The following CUX1 variants were observed in gnomAD, a reference collection of about 807,000 sequenced individuals.
CUX1 encodes the protein protein CASP.
A neutral mutation model predicts 158.8 loss-of-function variants in CUX1; 31 were observed. The observed-to-expected ratio is 0.20, with a 90% CI of 0.15 to 0.26. The LOEUF is 0.26. Among genes scored for constraint, CUX1 ranks in the 10% least tolerant of loss-of-function variants. The pLI, the probability that CUX1 is intolerant of heterozygous loss-of-function variation, is 1.00. For synonymous variants in CUX1, 879 were observed against 862.1 expected, an observed-to-expected ratio of 1.02 and a Z score of -0.34; for missense variants, 1,589 against 2,014.6, an observed-to-expected ratio of 0.79 and a Z score of 4.04.
Position 101,916,316 on chromosome 7 carries a change from C to T in CUX1, c.141+91C>T, listed in dbSNP as rs1804202450. On this transcript the variant is annotated intron_variant, in intron 2 of 23. Coordinates refer to ENST00000292535, the MANE Select transcript of CUX1 (RefSeq NM_181552.4). This position sits in a 1 kb window ranked among gnomAD's most constrained non-coding sequence, Gnocchi z 4.4. ...CGCTCCGTGAGCGTTTCATTTTCAT[C>T]AGATGAACGCACGGCCGGCAAACAA... The T allele has an allele frequency of 3.7e-6, 3 of 819,584 alleles. No individual in the cohort carries two copies. Among genetic ancestry groups the T allele is most frequent in the Non-Finnish European group, 6.3e-6 (3 of 473,032 alleles). The allele number at this position is 819,584 out of a possible 1,614,324, so 50.8% of individuals were successfully genotyped here. A position where few individuals can be genotyped will look rare whatever the true frequency, so the allele number is the denominator to read the frequency against.
intron 8 of CUX1, among the ~76,000 whole-genome samples, chr7:102,131,517 A>AT (rs1340844471): frequency 6.6e-5 from 10 of 151,780 alleles, no homozygotes; most frequent in African/African-American, 1.9e-4. Flanking sequence ...AAGTTTGAAC[A>AT]TAAAAACTGC....
At chr7:102,125,763 ATAAT>A (rs1281788136) in intron 8 of CUX1, 1 of 151,634 alleles carries the variant, frequency 6.6e-6, no homozygotes, top group African/African-American at 2.4e-5. Context: ...ATATACATAA[ATAAT>A]TTTTTAAAAA....
At position 102,248,649 on chromosome 7, in the gene CUX1, G is replaced by A; in HGVS notation, c.4125G>A (p.Pro1375=). 2.9e-6 allele frequency: 4 copies of A among 1,371,114 alleles called. No individual in the cohort carries two copies. Among genetic ancestry groups the A allele is most frequent in the South Asian group, 1.5e-5 (1 of 67,792 alleles). The allele number at this position is 1,371,114 out of a possible 1,614,324, so 84.9% of individuals were successfully genotyped here. ...CGCGGCCGGCGGAGCAGACGGAGCC[G>A]CCGCCCTCGGGGACCCCGGGCCCGG... ...EVPRPAEQTE[P]PPSGTPGPDD... Residue 1375 remains proline, a synonymous_variant, in exon 24 of 24, where the codon CCG becomes CCA. Coordinates refer to ENST00000292535, the MANE Select transcript of CUX1 (RefSeq NM_181552.4). This position sits in a 1 kb window ranked among gnomAD's most constrained non-coding sequence, Gnocchi z 5.8.
intron 1 of CUX1, among the ~76,000 whole-genome samples, chr7:101,851,020 G>A (rs1562927668): frequency 6.6e-6 from 1 of 152,120 alleles, no homozygotes; most frequent in Non-Finnish European, 1.5e-5. Flanking sequence ...GGGGTGGGAG[G>A]ATTGCTTAAG....
Position 102,253,298 on chromosome 7 carries a change from G to T in CUX1, c.*4256G>T. ...ATACCCCATCTCCCTCCTTGGCCAG[G>T]GCCAGCATCAGGCGTGCAGCTCATG... On this transcript the variant is annotated 3_prime_UTR_variant, in exon 24 of 24. Coordinates refer to ENST00000292535, the MANE Select transcript of CUX1 (RefSeq NM_181552.4). The T allele has an allele frequency of 1.0e-6, 1 of 985,590 alleles. No individual in the cohort carries two copies. The highest frequency in any genetic ancestry group is 1.2e-6 in the Non-Finnish European group (1 of 830,054). 61.1% of individuals were successfully genotyped at this position (985,590 alleles called of 1,614,324 possible).
chr7:102,174,788 A>T (rs1242879295), intron 10 of CUX1, among the ~76,000 whole-genome samples: 1 of 152,188 alleles, frequency 6.6e-6, no homozygotes, highest in South Asian at 2.1e-4. Context: ...TACTAAAACT[A>T]TAAAAATTTG....
Position 102,256,150 on chromosome 7 carries a change from G to A in CUX1, c.*7108G>A, listed in dbSNP as rs547687378. The A allele has an allele frequency of 2.6e-5, 26 of 985,420 alleles. No homozygotes were observed. Among genetic ancestry groups the A allele is most frequent in the East Asian group, 1.1e-4 (1 of 8,820 alleles). The allele number at this position is 985,420 out of a possible 1,614,324, so 61.0% of individuals were successfully genotyped here. On this transcript the variant is annotated 3_prime_UTR_variant, in exon 24 of 24. Coordinates refer to ENST00000292535, the MANE Select transcript of CUX1 (RefSeq NM_181552.4). ...CTCTGGCCGGAGCCGCTGGCCTGAC[G>A]AGGCAGGATAGGGAGTATCCGTGAT...
intron 2 of CUX1, among the ~76,000 whole-genome samples, chr7:101,933,293 C>T (rs953299639): frequency 6.6e-6 from 1 of 151,528 alleles, no homozygotes; most frequent in African/African-American, 2.4e-5. Context: ...AGTTGGCAGG[C>T]ATTATTCCAG....
At chr7:101,857,049 C>A (rs540216341) in intron 1 of CUX1, among the ~76,000 whole-genome samples, 96 of 152,366 alleles carry the variant, frequency 6.3e-4, no homozygotes, top group African/African-American at 2.3e-3. Context: ...TAGGACGAGG[C>A]CCTTCAGATC....
intron 1 of CUX1, among the ~76,000 whole-genome samples, chr7:101,842,039 CTT>C (rs1157568424): frequency 6.6e-6 from 1 of 152,076 alleles, no homozygotes; most frequent in Non-Finnish European, 1.5e-5. Context: ...ATAATTTTCT[CTT>C]TAACCTAAGG....
intron 3 of CUX1, among the ~76,000 whole-genome samples, chr7:102,049,159 C>CT (rs1204223702): frequency 6.6e-6 from 1 of 152,216 alleles, no homozygotes; most frequent in East Asian, 1.9e-4. Context: ...TGGGAAAGGC[C>CT]TGCCATGGTT....
Position 101,864,540 on chromosome 7 carries a change from C to T in CUX1, c.30+46871C>T, listed in dbSNP as rs1179124074. On this transcript the variant is annotated intron_variant, in intron 1 of 23. Coordinates refer to ENST00000292535, the MANE Select transcript of CUX1 (RefSeq NM_181552.4). ...TCATTGTGGTTTTGATTTGCATTTCCCTAATAGATAGTTATTTTTATTTTT... is the reference window on the plus strand; with the variant it reads ...TCATTGTGGTTTTGATTTGCATTTCTCTAATAGATAGTTATTTTTATTTTT... 6.6e-5 allele frequency among the ~76,000 whole-genome samples: 10 copies of T among 151,248 alleles called. No homozygotes were observed. In the Admixed American group the frequency reaches 6.6e-4, roughly 10 times the overall value.
chr7:102,139,669 T>A (rs77259659), intron 8 of CUX1, among the ~76,000 whole-genome samples: 1 of 152,104 alleles, frequency 6.6e-6, no homozygotes, highest in African/African-American at 2.4e-5. Flanking sequence ...ATTTTTTTTT[T>A]AAGACAGGAT....
At chr7:101,980,766 C>T (rs1160157358) in intron 2 of CUX1, among the ~76,000 whole-genome samples, 1 of 152,070 alleles carries the variant, frequency 6.6e-6, no homozygotes, top group East Asian at 1.9e-4. Context: ...GAACAGGGCT[C>T]CTGAAGGCCC....
intron 1 of CUX1, among the ~76,000 whole-genome samples, chr7:101,881,261 A>G (rs756098890): frequency 4.6e-5 from 7 of 152,190 alleles, no homozygotes; most frequent in Admixed American, 1.3e-4. Flanking sequence ...GACAAGCACT[A>G]ATTGCCCTGT....
chr7:101,947,688 A>G (rs1247819058), intron 2 of CUX1, among the ~76,000 whole-genome samples: 1 of 152,214 alleles, frequency 6.6e-6, no homozygotes, highest in Non-Finnish European at 1.5e-5. Context: ...GTCTGTGGAG[A>G]GAGCTAATTT....
chr7:102,280,771 G>T, intron 19 of CUX1: 4 of 1,610,574 alleles, frequency 2.5e-6, no homozygotes, highest in Non-Finnish European at 2.5e-6. Context: ...GAGGTCCTTT[G>T]GGGTCCTTTC....
chr7:101,893,778 A>T (rs1339721129), intron 1 of CUX1, among the ~76,000 whole-genome samples: 2 of 152,246 alleles, frequency 1.3e-5, no homozygotes, highest in African/African-American at 4.8e-5. Context: ...GAGAAGTAAA[A>T]GTGCATCTCA....
intron 2 of CUX1, among the ~76,000 whole-genome samples, chr7:101,941,610 G>T (rs1807722485): frequency 6.6e-6 from 1 of 152,218 alleles, no homozygotes; most frequent in Non-Finnish European, 1.5e-5. Flanking sequence ...GCTGCAGTTT[G>T]ATAGCCCCAT....
Sources: gnomAD v4.1 joint callset for allele counts (sites outside exome capture counted in the v4.1 genomes callset) on GRCh38, gnomAD v4.1.1 for gene constraint, Gnocchi (gnomAD v3.1) non-coding constraint, MANE v1.5 for transcripts, NCBI Gene and HGNC (gene_info 2026-07-23, HGNC 2026-07-21) for gene names.